The following MTCL2 variants were observed in gnomAD, a reference collection of about 807,000 sequenced individuals.
The protein encoded by MTCL2 is microtubule crosslinking factor 2.
chr20:36,836,341 A>ATTT, the MTCL2 span, among the ~76,000 whole-genome samples: 10 of 85,406 alleles, frequency 1.2e-4, no homozygotes, highest in Non-Finnish European at 1.8e-4. Context: ...CGCCCAGCTA[A>ATTT]TTTTTTTTTT....
At chr20:36,824,074 G>A in the MTCL2 span, among the ~76,000 whole-genome samples, 1 of 152,122 alleles carries the variant, frequency 6.6e-6, no homozygotes, top group Non-Finnish European at 1.5e-5. Context: ...GGGGCAAGGA[G>A]CATAGGGGCA....
the MTCL2 span, among the ~76,000 whole-genome samples, chr20:36,831,040 C>T: frequency 4.8e-3 from 738 of 152,306 alleles, 6 homozygotes; most frequent in Non-Finnish European, 7.0e-3. Flanking sequence ...TGGTCCAGGA[C>T]TCTGTAGCAA....
the MTCL2 span, chr20:36,828,820 G>C: frequency 2.1e-6 from 1 of 484,658 alleles, no homozygotes; most frequent in East Asian, 3.7e-5. Flanking sequence ...GCTCCCTGAG[G>C]ACAGGAACTG....
chr20:36,790,118 A>G, the MTCL2 span, among the ~76,000 whole-genome samples: 4 of 150,420 alleles, frequency 2.7e-5, no homozygotes, highest in South Asian at 8.3e-4. Flanking sequence ...CAGCTTCCCG[A>G]GTAGCTGGGA....
the MTCL2 span, among the ~76,000 whole-genome samples, chr20:36,858,841 A>G: frequency 6.6e-6 from 1 of 152,074 alleles, no homozygotes; most frequent in African/African-American, 2.4e-5. Flanking sequence ...CCCAGGCTAG[A>G]GTGCAGTGGC....
At chr20:36,851,862 G>A in the MTCL2 span, among the ~76,000 whole-genome samples, 1 of 152,086 alleles carries the variant, frequency 6.6e-6, no homozygotes, top group African/African-American at 2.4e-5. Flanking sequence ...CCCTCAGAGG[G>A]GAGGAGAATC....
At chr20:36,862,889 C>G in the MTCL2 span, 1 of 1,245,506 alleles carries the variant, frequency 8.0e-7, no homozygotes, top group South Asian at 2.5e-5. Context: ...TACGGACCCC[C>G]GCCGGGCCCC....
At chr20:36,841,915 G>GTGTGTA in the MTCL2 span, among the ~76,000 whole-genome samples, 2 of 144,436 alleles carry the variant, frequency 1.4e-5, no homozygotes, top group African/African-American at 5.1e-5. Flanking sequence ...GTGTGTGTGT[G>GTGTGTA]TGTATACAGG....
At chr20:36,793,705 G>A in the MTCL2 span, 1 of 1,547,438 alleles carries the variant, frequency 6.5e-7, no homozygotes, top group Non-Finnish European at 8.7e-7. The surrounding 1 kb of genome is among the most constrained non-coding windows in gnomAD (Gnocchi z 6.8). Context: ...GGTTCCACAG[G>A]CTGCGGTCCT....
At chr20:36,839,222 C>T in the MTCL2 span, 1 of 1,593,114 alleles carries the variant, frequency 6.3e-7, no homozygotes, top group Non-Finnish European at 8.5e-7. This position sits in a 1 kb window ranked among gnomAD's most constrained non-coding sequence, Gnocchi z 5.1. Flanking sequence ...CTGACCTTGA[C>T]ATCCTGCTCC....
chr20:36,829,148 C>A, the MTCL2 span: 25 of 1,604,148 alleles, frequency 1.6e-5, no homozygotes, highest in Non-Finnish European at 2.0e-5. Context: ...CTCCTCCAGC[C>A]GCGCCCGTTT....
chr20:36,832,878 C>T, the MTCL2 span, among the ~76,000 whole-genome samples: 2 of 152,194 alleles, frequency 1.3e-5, no homozygotes, highest in Admixed American at 1.3e-4. Flanking sequence ...CTCCAGGCAG[C>T]CAGACTGGGA....
the MTCL2 span, among the ~76,000 whole-genome samples, chr20:36,805,054 G>A: frequency 6.6e-6 from 1 of 152,228 alleles, no homozygotes; most frequent in East Asian, 1.9e-4. Context: ...CCCATAAAAT[G>A]GGAATGACAG....
At chr20:36,845,711 C>G in the MTCL2 span, among the ~76,000 whole-genome samples, 1 of 152,158 alleles carries the variant, frequency 6.6e-6, no homozygotes, top group East Asian at 1.9e-4. Flanking sequence ...GAGGGCAGGC[C>G]TTTGTTCTGT....
chr20:36,797,483 C>T, the MTCL2 span: 4 of 1,552,152 alleles, frequency 2.6e-6, no homozygotes, highest in East Asian at 4.9e-5. Context: ...GATAGCATGG[C>T]AGCAGCCGCC....
the MTCL2 span, chr20:36,793,780 G>A: frequency 6.5e-7 from 1 of 1,541,010 alleles, no homozygotes; most frequent in South Asian, 1.2e-5. This position sits in a 1 kb window ranked among gnomAD's most constrained non-coding sequence, Gnocchi z 6.8. Flanking sequence ...TGGGGGAGCA[G>A]CAGGGCCGCT....
the MTCL2 span, among the ~76,000 whole-genome samples, chr20:36,854,746 AT>A: frequency 1.3e-5 from 2 of 152,082 alleles, no homozygotes. Flanking sequence ...GAACCCCAGA[AT>A]TTTTTTCATA....
At chr20:36,849,739 C>A in the MTCL2 span, among the ~76,000 whole-genome samples, 51,996 of 152,068 alleles carry the variant, frequency 0.34, 9,279 homozygotes, top group East Asian at 0.6. Flanking sequence ...TACGTTTGTA[C>A]ACTGAGGACA....
the MTCL2 span, among the ~76,000 whole-genome samples, chr20:36,796,124 G>A: frequency 9.5e-4 from 144 of 152,304 alleles, 2 homozygotes; most frequent in East Asian, 0.023. Flanking sequence ...GTTTGCTTAT[G>A]GGGGAACCCA....
Sources: allele counts gnomAD v4.1 joint callset (sites outside exome capture counted in the v4.1 genomes callset), GRCh38; gene constraint gnomAD v4.1.1; non-coding constraint Gnocchi (gnomAD v3.1); transcripts MANE v1.5; gene names NCBI Gene and HGNC (gene_info 2026-07-23, HGNC 2026-07-21).